The following CDKL4 variants were observed in gnomAD, a reference collection of about 807,000 sequenced individuals.
CDKL4 encodes the protein cyclin-dependent kinase-like 4.
A neutral mutation model predicts 42.0 loss-of-function variants in CDKL4; 44 were observed. That is an observed-to-expected ratio of 1.05 (90% confidence interval 0.82 to 1.35). The LOEUF is 1.35. Ranked by LOEUF, CDKL4 falls within the 40% of genes most tolerant of loss-of-function variation. The probability of loss-of-function intolerance (pLI) is 0.00; values close to 1 mark genes in which losing one functional copy is unlikely to be tolerated. For synonymous variants in CDKL4, 120 were observed against 121.6 expected, an observed-to-expected ratio of 0.99 and a Z score of 0.09; for missense variants, 393 against 369.9, an observed-to-expected ratio of 1.06 and a Z score of -0.51.
At chr2:39,242,897 A>C (rs1679730329) in intron 1 of CDKL4, among the ~76,000 whole-genome samples, 1 of 151,978 alleles carries the variant, frequency 6.6e-6, no homozygotes, top group African/African-American at 2.4e-5. Flanking sequence ...CAGGAGTTGG[A>C]GACCAGCCTG....
intron 3 of CDKL4, among the ~76,000 whole-genome samples, chr2:39,215,172 T>C (rs1444212219): frequency 5.9e-5 from 9 of 152,252 alleles, no homozygotes; most frequent in East Asian, 1.9e-4. Flanking sequence ...GCCAATGTTA[T>C]GTTTGCCAAT....
chr2:39,231,457 G>A (rs1019648762), intron 1 of CDKL4, among the ~76,000 whole-genome samples: 18 of 152,114 alleles, frequency 1.2e-4, no homozygotes, highest in African/African-American at 4.3e-4. Context: ...AATATACAAT[G>A]GAGAAAAATG....
At chr2:39,190,611 T>C in intron 5 of CDKL4, 109 bp from the exon 6 acceptor site, 1 of 851,086 alleles carries the variant, frequency 1.2e-6, no homozygotes, top group Non-Finnish European at 1.9e-6. Context: ...GCCATGATAC[T>C]CTTAAGGGTT....
intron 1 of CDKL4, among the ~76,000 whole-genome samples, chr2:39,242,807 G>A (rs1679725281): frequency 6.6e-6 from 1 of 152,072 alleles, no homozygotes; most frequent in Non-Finnish European, 1.5e-5. Flanking sequence ...CATTAGGAAT[G>A]ATGCGGATGG....
chr2:39,185,123 C>T (rs1193374929), intron 7 of CDKL4, among the ~76,000 whole-genome samples: 13 of 138,576 alleles, frequency 9.4e-5, no homozygotes, highest in East Asian at 4.1e-4. Context: ...TATATATACA[C>T]ACACATATAT....
chr2:39,201,229 T>C (rs1335410757), intron 5 of CDKL4, among the ~76,000 whole-genome samples: 1 of 151,658 alleles, frequency 6.6e-6, no homozygotes, highest in Admixed American at 6.6e-5. Context: ...ACATCACTAA[T>C]TATCAGGGAA....
intron 8 of CDKL4, among the ~76,000 whole-genome samples, chr2:39,182,468 G>T (rs1346185351): frequency 6.6e-6 from 1 of 152,206 alleles, no homozygotes. Context: ...GCATTGAGAT[G>T]AGCTGAGTAG....
At chr2:39,196,644 G>A (rs1017875040) in intron 5 of CDKL4, among the ~76,000 whole-genome samples, 4 of 152,002 alleles carry the variant, frequency 2.6e-5, no homozygotes, top group African/African-American at 9.7e-5. Context: ...GTCTTGCTCT[G>A]TCACCTAGGC....
chr2:39,229,584 T>A, exon 2 of CDKL4: 1 of 1,420,948 alleles, frequency 7.0e-7, no homozygotes, highest in Non-Finnish European at 9.6e-7. Context: ...AGTACAATGC[T>A]GCACCTGGAA....
At chr2:39,184,622 T>A in exon 8 of CDKL4, 1 of 1,612,218 alleles carries the variant, frequency 6.2e-7, no homozygotes, top group Non-Finnish European at 8.5e-7. Context: ...AGGATGAACA[T>A]CTGAGAACTT....
rs547025597 is a variant in CDKL4, at chr2:39,235,163, C to G, written c.-56-5575G>C. 2.6e-5 allele frequency among the ~76,000 whole-genome samples: 4 copies of G among 152,246 alleles called. No individual in the cohort carries two copies. The South Asian group carries it at 8.3e-4, about 32-fold the overall frequency. On this transcript the variant is annotated intron_variant, in intron 1 of 9. Transcript: ENST00000451199. Reference sequence around the variant, plus strand: ...AAAATGTTGGGATTATAGGCATGAGCCTCCACACCCAGCTGATATTTTAAA... The same window carrying G: ...AAAATGTTGGGATTATAGGCATGAGGCTCCACACCCAGCTGATATTTTAAA...
At chr2:39,233,044 C>CAAAAA (rs72150084) in intron 1 of CDKL4, among the ~76,000 whole-genome samples, 62 of 65,912 alleles carry the variant, frequency 9.4e-4, no homozygotes, top group East Asian at 1.4e-3. Flanking sequence ...GACTCCATCT[C>CAAAAA]AAAAAAAAAA....
At chr2:39,215,220 TA>T (rs1289473884) in intron 3 of CDKL4, among the ~76,000 whole-genome samples, 1 of 152,270 alleles carries the variant, frequency 6.6e-6, no homozygotes, top group Non-Finnish European at 1.5e-5. Context: ...CTGTGGTTTT[TA>T]TTTGCATTTT....
At chr2:39,198,390 G>T (rs949490170) in intron 5 of CDKL4, among the ~76,000 whole-genome samples, 2 of 151,890 alleles carry the variant, frequency 1.3e-5, no homozygotes, top group East Asian at 3.9e-4. Flanking sequence ...CACAATAATA[G>T]TGGAGGACTT....
chr2:39,212,454 C>T lies in CDKL4; in HGVS notation c.363+946G>A, dbSNP rs575365189. On this transcript the variant is annotated intron_variant, in intron 4 of 9. Coordinates refer to ENST00000451199, the Ensembl canonical transcript of CDKL4. Reference sequence around the variant, plus strand: ...TTCACCGTGTTGGCCAGGATGGTCTCGATCTCCTGACTTCGTGATCCGCCT... The same window carrying T: ...TTCACCGTGTTGGCCAGGATGGTCTTGATCTCCTGACTTCGTGATCCGCCT... Among the ~76,000 whole-genome samples, 12 of 151,618 alleles carry T rather than the reference C, an allele frequency of 7.9e-5. No individual in the cohort carries two copies. In the South Asian group the frequency reaches 1.7e-3, roughly 21 times the overall value.
chr2:39,192,659 T>C (rs979515030), intron 5 of CDKL4, among the ~76,000 whole-genome samples: 1 of 152,156 alleles, frequency 6.6e-6, no homozygotes, highest in Non-Finnish European at 1.5e-5. Flanking sequence ...TCTATGCATT[T>C]ATCATGTTAT....
chr2:39,217,035 C>T (rs1476582996), intron 3 of CDKL4, among the ~76,000 whole-genome samples: 2 of 152,060 alleles, frequency 1.3e-5, no homozygotes, highest in South Asian at 2.1e-4. Flanking sequence ...ACCAACACCA[C>T]AGATCGTGCA....
At chr2:39,193,755 A>G (rs1676340715) in intron 5 of CDKL4, among the ~76,000 whole-genome samples, 1 of 152,214 alleles carries the variant, frequency 6.6e-6, no homozygotes, top group Admixed American at 6.5e-5. Context: ...AGAAAATAAA[A>G]CATCACCCAT....
At chr2:39,175,763 C>G (rs1304259966) in exon 10 of CDKL4, 2 of 238,906 alleles carry the variant, frequency 8.4e-6, no homozygotes. Flanking sequence ...TTGAAAATGT[C>G]TCTTCCATAT....
Sources: allele counts gnomAD v4.1 joint callset (sites outside exome capture counted in the v4.1 genomes callset), GRCh38; gene constraint gnomAD v4.1.1; transcripts MANE v1.5; gene names NCBI Gene and HGNC (gene_info 2026-07-23, HGNC 2026-07-21).